The following ASTN2 variants were observed in gnomAD, a reference collection of about 807,000 sequenced individuals.
ASTN2 encodes the protein astrotactin 2.
Under a neutral mutation model 139.8 loss-of-function variants are expected in ASTN2, and 54 were observed. The observed-to-expected ratio is 0.39, with a 90% CI of 0.31 to 0.48. ASTN2 has a LOEUF of 0.48. ASTN2 is among the 20% of genes least tolerant of loss of function. ASTN2 has a pLI of 0.95. For synonymous variants in ASTN2, 756 were observed against 719.5 expected, an observed-to-expected ratio of 1.05 and a Z score of -0.81; for missense variants, 1,565 against 1,725.1, an observed-to-expected ratio of 0.91 and a Z score of 1.64.
In ASTN2 at chr9:117,214,707, C is replaced by T. The variant is rs1057049801; in HGVS notation, c.666G>A (p.Val222=). 26 of 1,515,874 alleles carry T rather than the reference C, an allele frequency of 1.7e-5. No homozygotes were observed. Among genetic ancestry groups the T allele is most frequent in the Non-Finnish European group, 2.3e-5 (26 of 1,128,086 alleles). The allele number at this position is 1,515,874 out of a possible 1,614,324, so 93.9% of individuals were successfully genotyped here. The stretch of plus-strand genomic sequence containing the variant: ...GCTGGGCGTACAGCGCCACGGTGAA[C>T]ACCAGCAGCAGCAGCAGCAGCGCGA... ...GLIALLLLLL[V]FTVALYAQRR... The change falls in exon 3 of 23, where the codon GTG becomes GTA. Residue 222 remains valine (V), a synonymous_variant. Coordinates refer to ENST00000313400, the MANE Select transcript of ASTN2 (RefSeq NM_001365068.1).
At chr9:116,630,055 T>G (rs1352603186) in intron 17 of ASTN2, among the ~76,000 whole-genome samples, 1 of 152,106 alleles carries the variant, frequency 6.6e-6, no homozygotes, top group African/African-American at 2.4e-5. Context: ...AAAATAACAG[T>G]GAGCATTTTT....
intron 1 of ASTN2, among the ~76,000 whole-genome samples, chr9:117,372,459 A>C (rs570454483): frequency 9.7e-4 from 147 of 152,318 alleles, no homozygotes; most frequent in South Asian, 7.5e-3. Flanking sequence ...CACAAGCTAG[A>C]ATCCTGAATT....
intron 10 of ASTN2, among the ~76,000 whole-genome samples, chr9:116,920,508 C>G (rs1420408805): frequency 6.6e-6 from 1 of 152,178 alleles, no homozygotes; most frequent in Non-Finnish European, 1.5e-5. Flanking sequence ...ACTGCAAGCT[C>G]CCTTCTTCCT....
At chr9:116,983,778 T>C (rs1836588567) in intron 7 of ASTN2, among the ~76,000 whole-genome samples, 1 of 152,344 alleles carries the variant, frequency 6.6e-6, no homozygotes, top group African/African-American at 2.4e-5. Context: ...GCTTTCCCTC[T>C]TGTACTCCTG....
intron 3 of ASTN2, among the ~76,000 whole-genome samples, chr9:117,187,996 T>C (rs1389256748): frequency 6.6e-6 from 1 of 152,122 alleles, no homozygotes; most frequent in Non-Finnish European, 1.5e-5. Flanking sequence ...CTTGATTTGA[T>C]AGATATTTTG....
chr9:116,484,999 C>G (rs1588103900), intron 20 of ASTN2, among the ~76,000 whole-genome samples: 1 of 152,252 alleles, frequency 6.6e-6, no homozygotes, highest in East Asian at 1.9e-4. Flanking sequence ...CAGGGTTACT[C>G]CTTCTGTATT....
At chr9:116,481,098 CTG>C (rs1385166260) in intron 20 of ASTN2, among the ~76,000 whole-genome samples, 1 of 152,152 alleles carries the variant, frequency 6.6e-6, no homozygotes. Context: ...AGATAAAAAA[CTG>C]AAGCAGTCTG....
intron 10 of ASTN2, among the ~76,000 whole-genome samples, chr9:116,886,366 TTTTTCTTTCTTTC>T (rs1354463455): frequency 6.6e-6 from 1 of 152,222 alleles, no homozygotes; most frequent in Non-Finnish European, 1.5e-5. Context: ...AATTGTTTCT[TTTTTCTTTCTTTC>T]TTTTCTTTTT....
At chr9:116,718,114 T>C (rs1272514962) in intron 16 of ASTN2, among the ~76,000 whole-genome samples, 1 of 152,068 alleles carries the variant, frequency 6.6e-6, no homozygotes, top group Admixed American at 6.6e-5. Flanking sequence ...TCTAAGAAAA[T>C]AGGAATGTAG....
chr9:116,693,653 CAG>C, intron 16 of ASTN2, among the ~76,000 whole-genome samples: 1 of 152,252 alleles, frequency 6.6e-6, no homozygotes, highest in East Asian at 1.9e-4. Context: ...CAACAGGAAA[CAG>C]ACATTCAAGG....
At chr9:117,363,753 C>T (rs939345164) in intron 1 of ASTN2, among the ~76,000 whole-genome samples, 1 of 152,126 alleles carries the variant, frequency 6.6e-6, no homozygotes, top group African/African-American at 2.4e-5. Context: ...GTGCCCAGGA[C>T]ATGATGTAGA....
rs981999471 is a variant in ASTN2, at chr9:117,180,715, G to T, written c.1015+33643C>A. On this transcript the variant is annotated intron_variant, in intron 3 of 22. Transcript: ENST00000313400. ...CAGTGGAAGCCCTCATGAGTGCAGG[G>T]CCCGCCACTTGTCCAGAGGGCCACG... The T allele has an allele frequency of 3.1e-6, 5 of 1,593,774 alleles. No individual in the cohort carries two copies. In the African/African-American group the frequency reaches 5.4e-5, roughly 17 times the overall value.
chr9:116,488,616 G>T (rs1398575350), intron 19 of ASTN2, among the ~76,000 whole-genome samples: 1 of 152,078 alleles, frequency 6.6e-6, no homozygotes, highest in Non-Finnish European at 1.5e-5. Context: ...ATCTGTGAAA[G>T]AATATGAAAG....
intron 19 of ASTN2, among the ~76,000 whole-genome samples, chr9:116,503,365 C>T (rs1849971438): frequency 1.3e-5 from 2 of 152,098 alleles, no homozygotes; most frequent in African/African-American, 4.8e-5. Flanking sequence ...CAGCTCCCCT[C>T]ATCTATCCCT....
At chr9:117,398,742 T>C (rs910550552) in intron 1 of ASTN2, among the ~76,000 whole-genome samples, 6 of 152,156 alleles carry the variant, frequency 3.9e-5, no homozygotes, top group Non-Finnish European at 7.4e-5. Flanking sequence ...CTTTACAATA[T>C]CTCCGAATTG....
intron 7 of ASTN2, among the ~76,000 whole-genome samples, chr9:117,003,439 C>T (rs922468932): frequency 1.3e-5 from 2 of 151,842 alleles, no homozygotes; most frequent in African/African-American, 4.8e-5. Context: ...TTCGTCCTGT[C>T]CCCTGTCTTC....
intron 5 of ASTN2, among the ~76,000 whole-genome samples, chr9:117,073,451 AC>A (rs928629882): frequency 5.3e-4 from 81 of 152,058 alleles, no homozygotes; most frequent in African/African-American, 1.8e-3. Context: ...GGGTTGTGAG[AC>A]CCTCTTCTGG....
intron 2 of ASTN2, among the ~76,000 whole-genome samples, chr9:117,282,612 G>A (rs1834351479): frequency 6.7e-6 from 1 of 149,604 alleles, no homozygotes; most frequent in Non-Finnish European, 1.5e-5. Context: ...GCTTGGCCAT[G>A]TGATGTGCTT....
chr9:116,989,129 C>G (rs1451636718), intron 7 of ASTN2, among the ~76,000 whole-genome samples: 1 of 152,088 alleles, frequency 6.6e-6, no homozygotes, highest in African/African-American at 2.4e-5. Context: ...AGAAGAGACT[C>G]ATTGACATTT....
Sources: gnomAD v4.1 joint callset for allele counts (sites outside exome capture counted in the v4.1 genomes callset) on GRCh38, gnomAD v4.1.1 for gene constraint, MANE v1.5 for transcripts, NCBI Gene and HGNC (gene_info 2026-07-23, HGNC 2026-07-21) for gene names.